NDST4: variants seen among roughly 807,000 people sequenced by gnomAD.
NDST4 encodes N-heparan sulfate sulfotransferase 4.
Under a neutral mutation model 100.8 loss-of-function variants are expected in NDST4, and 63 were observed. That is an observed-to-expected ratio of 0.62 (90% CI 0.51 to 0.77). The LOEUF (loss-of-function observed/expected upper bound fraction) is 0.77, where lower values mean the gene tolerates loss of function less well. Among genes scored for constraint, NDST4 ranks in the 30% least tolerant of loss-of-function variants. The pLI is 0.00. For synonymous variants in NDST4, 377 were observed against 361.8 expected, an observed-to-expected ratio of 1.04 and a Z score of -0.48; for missense variants, 943 against 1,018.4, an observed-to-expected ratio of 0.93 and a Z score of 1.01.
Position 114,859,810 on chromosome 4 carries a change from C to G in NDST4, c.1720-6989G>C, listed in dbSNP as rs574979400. On this transcript the variant is annotated intron_variant, in intron 7 of 13. Coordinates refer to ENST00000264363, the MANE Select transcript of NDST4 (RefSeq NM_022569.3). ...GCTAGGCTTTACCAGAGATGACATCCTTGTCAGCTCTTTTCCCGTCTTTTC... is the reference window on the plus strand; with the variant it reads ...GCTAGGCTTTACCAGAGATGACATCGTTGTCAGCTCTTTTCCCGTCTTTTC... Among the ~76,000 whole-genome samples, 191 of 152,200 alleles carry G rather than the reference C, an allele frequency of 1.3e-3. 1 individual carries two copies. Among genetic ancestry groups the G allele is most frequent in the Non-Finnish European group, 2.2e-3 (152 of 68,020 alleles).
chr4:115,009,616 T>C lies in NDST4; in HGVS notation c.979-32342A>G, dbSNP rs547087616. On this transcript the variant is annotated intron_variant, in intron 2 of 13. Coordinates refer to ENST00000264363, the MANE Select transcript of NDST4 (RefSeq NM_022569.3). ...AACCTAGGCATTACCATTCAGGACA[T>C]AGGCATAGGCAAGGACTTCATGTCT... Among the ~76,000 whole-genome samples, 182 of 124,838 alleles carry C rather than the reference T, an allele frequency of 1.5e-3. 39 individuals carry two copies. The highest frequency in any genetic ancestry group is 1.7e-3 in the African/African-American group (56 of 32,408). 81.9% of individuals were successfully genotyped at this position (124,838 alleles called of 152,430 possible). A position where few individuals can be genotyped will look rare whatever the true frequency, so the allele number is the denominator to read the frequency against.
At chr4:115,066,905 T>A (rs1728960195) in intron 2 of NDST4, among the ~76,000 whole-genome samples, 1 of 152,176 alleles carries the variant, frequency 6.6e-6, no homozygotes, top group East Asian at 1.9e-4. Context: ...GTGTGCCCTA[T>A]GTCAAACTCC....
intron 6 of NDST4, among the ~76,000 whole-genome samples, chr4:114,928,268 C>G (rs1423305675): frequency 1.3e-5 from 2 of 152,170 alleles, no homozygotes; most frequent in African/African-American, 2.4e-5. Context: ...CTTCTTTCCT[C>G]ATTCCATTCC....
At chr4:115,111,599 A>G (rs1292202858) in intron 1 of NDST4, among the ~76,000 whole-genome samples, 1 of 151,754 alleles carries the variant, frequency 6.6e-6, no homozygotes, top group Non-Finnish European at 1.5e-5. Context: ...ATTTGCATTA[A>G]TCAATTTAAA....
intron 6 of NDST4, among the ~76,000 whole-genome samples, chr4:114,920,832 C>T (rs536613096): frequency 1.3e-5 from 2 of 152,088 alleles, no homozygotes; most frequent in African/African-American, 4.8e-5. Context: ...TGAAGAGTAT[C>T]CTATCCACTA....
chr4:115,091,177 A>C (rs891415713), intron 1 of NDST4, among the ~76,000 whole-genome samples: 6 of 152,042 alleles, frequency 3.9e-5, no homozygotes, highest in Non-Finnish European at 7.4e-5. Flanking sequence ...TCAAATTAAC[A>C]TTTGTCCAGT....
chr4:114,963,217 G>T (rs1726302618), intron 4 of NDST4, among the ~76,000 whole-genome samples: 1 of 152,028 alleles, frequency 6.6e-6, no homozygotes, highest in Non-Finnish European at 1.5e-5. Context: ...AAGAAAATAT[G>T]ATAGAGCCAT....
intron 1 of NDST4, among the ~76,000 whole-genome samples, chr4:115,090,540 A>G (rs907050707): frequency 6.6e-6 from 1 of 152,002 alleles, no homozygotes; most frequent in Non-Finnish European, 1.5e-5. Context: ...TGTTAATTAT[A>G]TTTGATATTT....
chr4:115,112,233 GA>G (rs1218392638), intron 1 of NDST4, among the ~76,000 whole-genome samples: 1 of 151,202 alleles, frequency 6.6e-6, no homozygotes, highest in African/African-American at 2.4e-5. Context: ...ATCGTTGTGG[GA>G]AAATTCATTG....
chr4:115,059,967 C>G (rs527286175), intron 2 of NDST4, among the ~76,000 whole-genome samples: 1 of 151,938 alleles, frequency 6.6e-6, no homozygotes, highest in Non-Finnish European at 1.5e-5. Flanking sequence ...ACCTCTGCAA[C>G]CCTGTTATTT....
At chr4:115,013,802 C>A (rs1727614203) in intron 2 of NDST4, among the ~76,000 whole-genome samples, 1 of 151,882 alleles carries the variant, frequency 6.6e-6, no homozygotes, top group Non-Finnish European at 1.5e-5. Flanking sequence ...ATAGAAAAGG[C>A]CAGTGGAAGC....
intron 1 of NDST4, among the ~76,000 whole-genome samples, chr4:115,106,239 T>C (rs473989): frequency 0.77 from 117,242 of 152,020 alleles, 45,868 homozygotes; most frequent in African/African-American, 0.89. Flanking sequence ...CAGACTTGTA[T>C]TAAATAGGAT....
chr4:114,988,896 G>T (rs540945676), intron 2 of NDST4, among the ~76,000 whole-genome samples: 5 of 152,016 alleles, frequency 3.3e-5, no homozygotes, highest in Non-Finnish European at 7.4e-5. Context: ...GAAACTAGAA[G>T]AAAAACATAT....
chr4:115,040,506 T>A (rs528944160), intron 2 of NDST4, among the ~76,000 whole-genome samples: 187 of 151,650 alleles, frequency 1.2e-3, no homozygotes, highest in African/African-American at 4.4e-3. Flanking sequence ...ATCACCTCTC[T>A]GTATAGGAGA....
At chr4:114,993,853 T>A (rs1727103567) in intron 2 of NDST4, among the ~76,000 whole-genome samples, 1 of 151,982 alleles carries the variant, frequency 6.6e-6, no homozygotes, top group South Asian at 2.1e-4. Flanking sequence ...TTATTCATGA[T>A]TCATAAGTGA....
At chr4:115,110,427 T>G (rs1729922039) in intron 1 of NDST4, among the ~76,000 whole-genome samples, 1 of 151,958 alleles carries the variant, frequency 6.6e-6, no homozygotes, top group African/African-American at 2.4e-5. Flanking sequence ...ACAACATGGT[T>G]TCTCTTTTTC....
chr4:114,941,772 T>C (rs1725756358), intron 4 of NDST4, among the ~76,000 whole-genome samples: 1 of 152,064 alleles, frequency 6.6e-6, no homozygotes, highest in Non-Finnish European at 1.5e-5. Flanking sequence ...CCTGCAGGAG[T>C]ACAGCGTACA....
intron 6 of NDST4, among the ~76,000 whole-genome samples, chr4:114,881,970 A>G (rs1724379159): frequency 6.6e-6 from 1 of 152,142 alleles, no homozygotes; most frequent in African/African-American, 2.4e-5. Context: ...TTTAAATACT[A>G]CAGAACTCAT....
intron 4 of NDST4, among the ~76,000 whole-genome samples, chr4:114,960,441 A>G (rs1009501229): frequency 1.3e-5 from 2 of 152,098 alleles, no homozygotes; most frequent in Admixed American, 6.5e-5. Context: ...CCCCGTCTCT[A>G]TTAAAAATAC....
Sources: allele counts gnomAD v4.1 joint callset (sites outside exome capture counted in the v4.1 genomes callset), GRCh38; gene constraint gnomAD v4.1.1; transcripts MANE v1.5; gene names NCBI Gene and HGNC (gene_info 2026-07-23, HGNC 2026-07-21).